Variants in KCNAB1 observed in about 807,000 individuals in gnomAD.
The protein encoded by KCNAB1 is voltage-gated potassium channel subunit beta-1.
Under a neutral mutation model 64.6 loss-of-function variants are expected in KCNAB1, and 35 were observed. That is an observed-to-expected ratio of 0.54 (90% CI 0.41 to 0.72). The LOEUF (loss-of-function observed/expected upper bound fraction) is 0.72, where lower values mean the gene tolerates loss of function less well. KCNAB1 is among the 30% of genes least tolerant of loss of function. The pLI is 0.00. For synonymous variants in KCNAB1, 177 were observed against 183.8 expected, an observed-to-expected ratio of 0.96 and a Z score of 0.30; for missense variants, 401 against 512.9, an observed-to-expected ratio of 0.78 and a Z score of 2.11.
chr3:156,392,484 C>T (rs1713118015), intron 1 of KCNAB1, among the ~76,000 whole-genome samples: 1 of 152,194 alleles, frequency 6.6e-6, no homozygotes, highest in South Asian at 2.1e-4. Flanking sequence ...CTTATGCTTT[C>T]TACTCCTAGC....
chr3:156,377,121 G>T (rs1438588801), intron 1 of KCNAB1, among the ~76,000 whole-genome samples: 1 of 152,138 alleles, frequency 6.6e-6, no homozygotes, highest in Non-Finnish European at 1.5e-5. Context: ...TGGACATTAG[G>T]GTTTGATATT....
At position 156,377,965 on chromosome 3, in the gene KCNAB1, C is replaced by T. The variant is rs58484806; in HGVS notation, c.276-43651C>T. Among the ~76,000 whole-genome samples the T allele has an allele frequency of 3.5e-3, 532 of 151,994 alleles. 4 individuals are homozygous for T. The highest frequency in any genetic ancestry group is 0.012 in the African/African-American group (496 of 41,470). On this transcript the variant is annotated intron_variant, in intron 1 of 13. Transcript: ENST00000490337. The stretch of plus-strand genomic sequence containing the variant: ...GAGAGACACTGTCAGTGTAAGTCTC[C>T]GGGGAGGTGCTATGGAAGGTGTGGT...
At chr3:156,401,429 A>T (rs79849708) in intron 1 of KCNAB1, among the ~76,000 whole-genome samples, 5,094 of 152,220 alleles carry the variant, frequency 0.033, 141 homozygotes, top group African/African-American at 0.074. Flanking sequence ...TAATTATAGG[A>T]TTTTTTCCTT....
At chr3:156,513,280 C>G (rs1013203883) in intron 8 of KCNAB1, among the ~76,000 whole-genome samples, 1 of 152,084 alleles carries the variant, frequency 6.6e-6, no homozygotes, top group Non-Finnish European at 1.5e-5. Context: ...GACCCTGACT[C>G]TGGCCATTTC....
intron 1 of KCNAB1, among the ~76,000 whole-genome samples, chr3:156,144,304 C>A (rs540852013): frequency 1.3e-5 from 2 of 152,244 alleles, no homozygotes; most frequent in East Asian, 3.9e-4. Flanking sequence ...TACAAGATGT[C>A]CCCAGTGATT....
At chr3:156,495,048 CCA>C (rs1715912497) in intron 8 of KCNAB1, among the ~76,000 whole-genome samples, 1 of 152,050 alleles carries the variant, frequency 6.6e-6, no homozygotes, top group Admixed American at 6.6e-5. Context: ...TCAACAGGCC[CCA>C]GTGTGTGTGC....
At chr3:156,264,303 C>T (rs1718581409) in intron 1 of KCNAB1, among the ~76,000 whole-genome samples, 1 of 151,802 alleles carries the variant, frequency 6.6e-6, no homozygotes, top group African/African-American at 2.4e-5. Context: ...AGGTGTGTCT[C>T]TTATACACAG....
intron 1 of KCNAB1, among the ~76,000 whole-genome samples, chr3:156,168,804 A>G (rs923325433): frequency 3.3e-5 from 5 of 152,220 alleles, no homozygotes; most frequent in Admixed American, 6.5e-5. Context: ...ATTTGCTCCA[A>G]AGAAATTTGT....
At chr3:156,138,014 G>A (rs1405100400) in intron 1 of KCNAB1, among the ~76,000 whole-genome samples, 4 of 152,062 alleles carry the variant, frequency 2.6e-5, no homozygotes, top group East Asian at 1.9e-4. Context: ...ACATCACTTC[G>A]TAGTCTTTAC....
At chr3:156,536,478 A>G in intron 13 of KCNAB1, 180 bp from the exon 14 acceptor site, 1 of 580,314 alleles carries the variant, frequency 1.7e-6, no homozygotes, top group South Asian at 2.1e-5. Flanking sequence ...GCAGTCAATC[A>G]ACAAGGCCCC....
intron 11 of KCNAB1, among the ~76,000 whole-genome samples, chr3:156,520,980 T>G (rs1036017594): frequency 2.6e-5 from 4 of 152,222 alleles, no homozygotes; most frequent in African/African-American, 9.6e-5. Context: ...CACAGACTAT[T>G]CTTACCCCAA....
chr3:156,308,339 G>A (rs2108000850), intron 1 of KCNAB1, among the ~76,000 whole-genome samples: 1 of 152,314 alleles, frequency 6.6e-6, no homozygotes, highest in South Asian at 2.1e-4. Context: ...CTGGGTGAGT[G>A]AGATGGAGCA....
intron 1 of KCNAB1, among the ~76,000 whole-genome samples, chr3:156,175,050 T>G (rs1352005105): frequency 6.6e-6 from 1 of 152,350 alleles, no homozygotes; most frequent in Non-Finnish European, 1.5e-5. Flanking sequence ...TCAGCCAAAT[T>G]GTCAGCTCAT....
chr3:156,126,054 A>G (rs1172803498), intron 1 of KCNAB1, among the ~76,000 whole-genome samples: 1 of 152,164 alleles, frequency 6.6e-6, no homozygotes, highest in Non-Finnish European at 1.5e-5. Context: ...TGGACTTGGA[A>G]GATGTGCAGG....
At chr3:156,295,212 C>T (rs1720699063) in intron 1 of KCNAB1, among the ~76,000 whole-genome samples, 1 of 152,096 alleles carries the variant, frequency 6.6e-6, no homozygotes, top group African/African-American at 2.4e-5. Context: ...GCTTCAGTTC[C>T]AGAATTAATG....
intron 1 of KCNAB1, among the ~76,000 whole-genome samples, chr3:156,239,817 T>G (rs1242858480): frequency 6.6e-6 from 1 of 152,236 alleles, no homozygotes; most frequent in African/African-American, 2.4e-5. Context: ...TTCTTCATCT[T>G]TCATGTCTCC....
chr3:156,156,790 G>A (rs1241102616), intron 1 of KCNAB1, among the ~76,000 whole-genome samples: 1 of 152,140 alleles, frequency 6.6e-6, no homozygotes, highest in African/African-American at 2.4e-5. Context: ...TGAAGTTCAT[G>A]GGAGTGGTAT....
At chr3:156,530,385 T>C (rs1393615050) in intron 12 of KCNAB1, among the ~76,000 whole-genome samples, 1 of 152,160 alleles carries the variant, frequency 6.6e-6, no homozygotes, top group African/African-American at 2.4e-5. Flanking sequence ...GACTTGATTT[T>C]CTATAGACAT....
At chr3:156,352,716 T>C (rs1057276280) in intron 1 of KCNAB1, among the ~76,000 whole-genome samples, 2 of 152,200 alleles carry the variant, frequency 1.3e-5, no homozygotes, top group Non-Finnish European at 2.9e-5. Context: ...GTTCCTTTGA[T>C]GCTCCTGGAT....
Sources: gnomAD v4.1 joint callset for allele counts (sites outside exome capture counted in the v4.1 genomes callset) on GRCh38, gnomAD v4.1.1 for gene constraint, MANE v1.5 for transcripts, NCBI Gene and HGNC (gene_info 2026-07-23, HGNC 2026-07-21) for gene names.